MYOM2: variants seen among roughly 807,000 people sequenced by gnomAD.
MYOM2 encodes the protein myomesin-2.
Under a neutral mutation model 187.6 loss-of-function variants are expected in MYOM2, and 254 were observed. That is an observed-to-expected ratio of 1.35 (90% CI 1.22 to 1.50). The LOEUF is 1.50. MYOM2 is among the 40% of genes most tolerant of loss of function. The probability of loss-of-function intolerance (pLI) is 0.00; values close to 1 mark genes in which losing one functional copy is unlikely to be tolerated. For missense variants in MYOM2, 2,796 were observed against 1,924.0 expected, an observed-to-expected ratio of 1.45 and a Z score of -8.48; for synonymous variants, 981 against 753.8, an observed-to-expected ratio of 1.30 and a Z score of -4.94.
intron 21 of MYOM2, among the ~76,000 whole-genome samples, chr8:2,104,086 A>C (rs940858089): frequency 2.6e-5 from 4 of 152,196 alleles, no homozygotes; most frequent in African/African-American, 9.7e-5. Flanking sequence ...CGAATCGTCA[A>C]GCCACGTGCA....
intron 2 of MYOM2, 135 bp downstream of exon 2, chr8:2,051,008 C>G: frequency 3.0e-6 from 2 of 673,784 alleles, no homozygotes; most frequent in South Asian, 1.8e-5. Context: ...GGCAGCCTCT[C>G]CCGTGCCCAG....
In MYOM2 at chr8:2,055,999, C is replaced by A. The variant is rs1339495330; in HGVS notation, c.264-1349C>A. Among the ~76,000 whole-genome samples the A allele has an allele frequency of 2.6e-5, 4 of 152,224 alleles. No individual in the cohort carries two copies. In the East Asian group the frequency reaches 7.7e-4, roughly 29 times the overall value. On this transcript the variant is annotated intron_variant, in intron 3 of 36. Coordinates refer to ENST00000262113, the MANE Select transcript of MYOM2 (RefSeq NM_003970.4). The stretch of plus-strand genomic sequence containing the variant: ...CCAGGCCGTCTGTGCAGCTTCCTGT[C>A]CCTGCCACTCGGGAACGAACCTCCC...
At chr8:2,140,543 A>G (rs1798237987) in intron 32 of MYOM2, among the ~76,000 whole-genome samples, 180 bp from the exon 33 acceptor site, 1 of 152,226 alleles carries the variant, frequency 6.6e-6, no homozygotes, top group African/African-American at 2.4e-5. Flanking sequence ...AATTTTAGAA[A>G]GTTTTCAGAT....
rs762806521 is a variant in MYOM2 at position 2,073,466 on chromosome 8, C to T, written c.1086C>T (p.Gly362=). The change falls in exon 10 of 37, where the codon GGC becomes GGT. Residue 362 remains glycine, a synonymous_variant. Coordinates refer to ENST00000262113, the MANE Select transcript of MYOM2 (RefSeq NM_003970.4). ...CCCTGCGCATCGTGTCTCGGGGCGG[C>T]GTCAGCGACCACAGCGCCTTCCTGT... is the stretch of plus-strand genomic sequence containing the variant. ...LYTLRIVSRG[G]VSDHSAFLFV... is the part of the protein sequence containing the mutation. 24 of 1,608,626 alleles carry T rather than the reference C, an allele frequency of 1.5e-5. No homozygotes were observed. Among genetic ancestry groups the T allele is most frequent in the African/African-American group, 6.7e-5 (5 of 74,876 alleles).
At chr8:2,126,884 TGA>T (rs151316257) in intron 31 of MYOM2, among the ~76,000 whole-genome samples, 9,752 of 88,792 alleles carry the variant, frequency 0.11, 576 homozygotes, top group East Asian at 0.2. Context: ...GAGGGAGCAT[TGA>T]GAGAGGCTGA....
chr8:2,071,529 G>A (rs951183675), intron 8 of MYOM2, among the ~76,000 whole-genome samples: 1 of 152,130 alleles, frequency 6.6e-6, no homozygotes, highest in South Asian at 2.1e-4. Context: ...GGAGGCAGCC[G>A]TGGCTTCCAA....
At chr8:2,057,569 G>C in intron 4 of MYOM2, 54 bp from the exon 5 acceptor site, 1 of 1,613,052 alleles carries the variant, frequency 6.2e-7, no homozygotes, top group Non-Finnish European at 8.5e-7. Context: ...AGGGGCCGAG[G>C]GTGGAGCTTG....
intron 32 of MYOM2, among the ~76,000 whole-genome samples, chr8:2,131,275 A>C (rs901656729): frequency 2.0e-5 from 3 of 152,210 alleles, no homozygotes; most frequent in African/African-American, 7.2e-5. Context: ...CCTGTGAGTT[A>C]GGTATTTATA....
chr8:2,076,289 G>A lies in MYOM2; in HGVS notation c.1262+7G>A, dbSNP rs779763509. 1.9e-6 allele frequency: 3 copies of A among 1,612,748 alleles called. No individual in the cohort carries two copies. ...TGGGCTATTTTGTGGACCGGTGAGC[G>A]TCTTGCATTCTCCCGGGGATGGGAA... On this transcript the variant is annotated splice_region_variant and intron_variant, in intron 11 of 36. Transcript: ENST00000262113.
intron 13 of MYOM2, chr8:2,082,319 A>G (rs1235433199): frequency 6.6e-6 from 1 of 152,256 alleles, no homozygotes; most frequent in Non-Finnish European, 1.5e-5. Flanking sequence ...TAATGTTTCG[A>G]AGCGAACCAT....
At chr8:2,096,086 C>G (rs570501108) in intron 17 of MYOM2, among the ~76,000 whole-genome samples, 161 bp from the exon 18 acceptor site, 2 of 152,206 alleles carry the variant, frequency 1.3e-5, no homozygotes, top group South Asian at 2.1e-4. Flanking sequence ...GGTGTAAAGA[C>G]CAAGGTGGTT....
chr8:2,096,107 T>C, intron 17 of MYOM2, 140 bp from the exon 18 acceptor site: 2 of 740,974 alleles, frequency 2.7e-6, no homozygotes, highest in Admixed American at 4.7e-5. Flanking sequence ...AAGTGTGGGT[T>C]GAGAGGGATC....
intron 3 of MYOM2, among the ~76,000 whole-genome samples, chr8:2,056,833 G>A (rs1416756459): frequency 3.3e-5 from 5 of 152,276 alleles, no homozygotes; most frequent in East Asian, 1.9e-4. Context: ...GCATCAAGCC[G>A]TTTATCGGAT....
At chr8:2,125,910 C>T (rs947450799) in intron 31 of MYOM2, among the ~76,000 whole-genome samples, 1 of 151,824 alleles carries the variant, frequency 6.6e-6, no homozygotes, top group Admixed American at 6.6e-5. Context: ...GCCACTGTGC[C>T]TGGACAAGGA....
intron 10 of MYOM2, among the ~76,000 whole-genome samples, chr8:2,075,168 A>G (rs1046270081): frequency 3.9e-5 from 6 of 152,150 alleles, no homozygotes; most frequent in Non-Finnish European, 7.4e-5. Flanking sequence ...CTCACTTCCC[A>G]CACGATAGCC....
At position 2,141,372 on chromosome 8, in the gene MYOM2, C is replaced by T. The variant is rs551346810; in HGVS notation, c.4001+195C>T. On this transcript the variant is annotated intron_variant, in intron 34 of 36. Coordinates refer to ENST00000262113, the MANE Select transcript of MYOM2 (RefSeq NM_003970.4). ...CCTAAACCAGAAATGCATTTATAAACGGACTGTCCAGAGTCATCGGAACCC... is the reference window on the plus strand; with the variant it reads ...CCTAAACCAGAAATGCATTTATAAATGGACTGTCCAGAGTCATCGGAACCC... 2.0e-4 allele frequency among the ~76,000 whole-genome samples: 31 copies of T among 152,276 alleles called. No homozygotes were observed. In the South Asian group the frequency reaches 4.1e-3, roughly 20 times the overall value.
intron 13 of MYOM2, among the ~76,000 whole-genome samples, chr8:2,083,055 A>G (rs1029950100): frequency 2.0e-5 from 3 of 152,228 alleles, no homozygotes; most frequent in Non-Finnish European, 4.4e-5. Flanking sequence ...GAGGAAACCA[A>G]TAGTATCTTC....
At chr8:2,081,784 G>A (rs574519523) in intron 13 of MYOM2, 1 of 152,352 alleles carries the variant, frequency 6.6e-6, no homozygotes, top group Non-Finnish European at 1.5e-5. Flanking sequence ...AATGAAGAAA[G>A]AGCGCGTGTC....
At chr8:2,045,469 C>A (rs1405894166) in intron 1 of MYOM2, among the ~76,000 whole-genome samples, 1 of 152,210 alleles carries the variant, frequency 6.6e-6, no homozygotes, top group Non-Finnish European at 1.5e-5. Context: ...ATCGTGGCCC[C>A]AGGGGGCCCC....
Sources: gnomAD v4.1 joint callset for allele counts (sites outside exome capture counted in the v4.1 genomes callset) on GRCh38, gnomAD v4.1.1 for gene constraint, MANE v1.5 for transcripts, NCBI Gene and HGNC (gene_info 2026-07-23, HGNC 2026-07-21) for gene names.